Variants in DPP4 observed in about 807,000 individuals in gnomAD.
DPP4 encodes the protein ADCP-2.
DPP4 carries 93 observed loss-of-function variants against 122.4 expected under a neutral mutation model. The observed-to-expected ratio is 0.76, with a 90% CI of 0.64 to 0.90. DPP4 has a LOEUF of 0.90. DPP4 is among the 40% of genes least tolerant of loss of function. The probability of loss-of-function intolerance (pLI) is 0.00; values close to 1 mark genes in which losing one functional copy is unlikely to be tolerated. For missense variants in DPP4, 914 were observed against 907.3 expected (o/e 1.01, Z -0.09); for synonymous variants, 321 against 302.9 (o/e 1.06, Z -0.62).
chr2:162,069,514 T>C (rs994902523), intron 2 of DPP4, among the ~76,000 whole-genome samples: 13 of 152,158 alleles, frequency 8.5e-5, no homozygotes, highest in African/African-American at 3.1e-4. Context: ...ATTTCTAAGA[T>C]AGAGAAACTT....
At chr2:162,027,398 A>G (rs1319768107) in intron 10 of DPP4, among the ~76,000 whole-genome samples, 1 of 152,100 alleles carries the variant, frequency 6.6e-6, no homozygotes, top group East Asian at 1.9e-4. Flanking sequence ...CCACACAGAA[A>G]TGGGCAGTGG....
intron 23 of DPP4, among the ~76,000 whole-genome samples, chr2:162,004,585 GCA>G (rs10647762): frequency 9.3e-5 from 14 of 150,706 alleles, no homozygotes; most frequent in Non-Finnish European, 1.5e-4. Context: ...ACAGCTCCCT[GCA>G]CACACACACA....
intron 11 of DPP4, 107 bp downstream of exon 11, chr2:162,024,697 A>C: frequency 7.0e-7 from 1 of 1,423,654 alleles, no homozygotes; most frequent in Non-Finnish European, 9.4e-7. Flanking sequence ...CAGAAAGAAG[A>C]GAAACTCAAA....
chr2:162,030,569 A>T lies in DPP4; in HGVS notation c.887+2972T>A, dbSNP rs191024544. On this transcript the variant is annotated intron_variant, in intron 10 of 25. Coordinates refer to ENST00000360534, the MANE Select transcript of DPP4 (RefSeq NM_001935.4). ...AGGTAACAGGCTGAGCAGGTTACTA[A>T]GAGGCGTAACTCACCTGGTTTTGCT... 2.9e-3 allele frequency among the ~76,000 whole-genome samples: 444 copies of T among 152,300 alleles called. 3 individuals are homozygous for T. Among genetic ancestry groups the T allele is most frequent in the African/African-American group, 0.01 (429 of 41,548 alleles).
chr2:162,036,213 T>C lies in DPP4; in HGVS notation c.614-889A>G, dbSNP rs1683763667. ...AAGTGTAAATGTAAAAGCAAAAGCATAGAAACTAGAATCTTAGGGTTGGGA... is the reference window on the plus strand; with the variant it reads ...AAGTGTAAATGTAAAAGCAAAAGCACAGAAACTAGAATCTTAGGGTTGGGA... On this transcript the variant is annotated intron_variant, in intron 8 of 25. Coordinates refer to ENST00000360534, the MANE Select transcript of DPP4 (RefSeq NM_001935.4). Among the ~76,000 whole-genome samples the C allele has an allele frequency of 5.9e-5, 9 of 152,204 alleles. 1 individual carries two copies. The highest frequency in any genetic ancestry group is 5.9e-4 in the Admixed American group (9 of 15,270).
rs201132792 is a variant in DPP4, at chr2:162,047,498, T to C, written c.98A>G (p.Asp33Gly). 62 of 1,565,026 alleles carry C rather than the reference T, an allele frequency of 4.0e-5. No homozygotes were observed. In the South Asian group the frequency reaches 6.6e-4, roughly 17 times the overall value. Residue 33 changes from aspartate to glycine, a missense_variant, in exon 3 of 26, where the codon GAT becomes GGT. Transcript: ENST00000360534. Reference sequence around the variant, plus strand: ...TTTGCGACTGTCAGCTGTAGCATCATCTGCTGGTTGAAAGAAAGAGCCAAA... The same window carrying C: ...TTTGCGACTGTCAGCTGTAGCATCACCTGCTGGTTGAAAGAAAGAGCCAAA... ...VPVVLLNKGT[D>G]DATADSRKTY...
chr2:162,073,364 A>C, intron 2 of DPP4, 35 bp downstream of exon 2: 1 of 1,609,202 alleles, frequency 6.2e-7, no homozygotes, highest in Non-Finnish European at 8.5e-7. Flanking sequence ...CCTGAGCTCC[A>C]ACTGTCCTAT....
At chr2:162,014,541 T>C in intron 18 of DPP4, 76 bp from the exon 19 acceptor site, 1 of 1,033,428 alleles carries the variant, frequency 9.7e-7, no homozygotes, top group Non-Finnish European at 1.5e-6. Context: ...TGTCCGTCAG[T>C]AGCAAGTCAT....
At chr2:162,047,706 T>C (rs1684238200) in intron 2 of DPP4, among the ~76,000 whole-genome samples, 1 of 152,202 alleles carries the variant, frequency 6.6e-6, no homozygotes, top group Admixed American at 6.5e-5. Flanking sequence ...TGAGAGTGTG[T>C]GTGTTTCACT....
At chr2:162,031,735 C>T (rs918869510) in intron 10 of DPP4, among the ~76,000 whole-genome samples, 3 of 152,086 alleles carry the variant, frequency 2.0e-5, no homozygotes, top group African/African-American at 7.2e-5. Context: ...TTCTATTGCT[C>T]GTATCTCTCT....
chr2:162,054,007 C>T (rs182668066), intron 2 of DPP4, among the ~76,000 whole-genome samples: 20 of 152,066 alleles, frequency 1.3e-4, no homozygotes, highest in Admixed American at 2.0e-4. Flanking sequence ...CACCATGGGC[C>T]GTGCCCAGCA....
rs180884934 is a variant in DPP4 at position 162,068,203 on chromosome 2, C to T, written c.94+5196G>A. Among the ~76,000 whole-genome samples the T allele has an allele frequency of 8.6e-4, 131 of 152,224 alleles. 1 individual carries two copies. Among genetic ancestry groups the T allele is most frequent in the African/African-American group, 3.1e-3 (128 of 41,516 alleles). On this transcript the variant is annotated intron_variant, in intron 2 of 25. Coordinates refer to ENST00000360534, the MANE Select transcript of DPP4 (RefSeq NM_001935.4). ...CTTTATATGAGAATGAAGGCAGCAG[C>T]AGTAGGCTCTTCCTCAGGATACTTA... is the stretch of plus-strand genomic sequence containing the variant.
In DPP4 at chr2:162,019,225, A is replaced by C; in HGVS notation, c.1296T>G (p.Tyr432Ter). Residue 432 changes from tyrosine (Y) to a stop codon, truncating the protein, a stop_gained and splice_region_variant, in exon 15 of 26, where the codon TAT becomes TAG. Transcript: ENST00000360534. LOFTEE classifies it high-confidence loss of function. The part of the protein sequence containing the change: ...YKGMPGGRNL[Y>*]KIQLSDYTKV... ...CAACAACTTGACAGAGCTCTTACTT[A>C]TAAAGATTCCTTCCTCCTGGCATTC... 1.3e-6 allele frequency: 2 copies of C among 1,597,454 alleles called. No homozygotes were observed. The highest frequency in any genetic ancestry group is 1.7e-6 in the Non-Finnish European group (2 of 1,168,362).
rs1420802046 is a variant in DPP4, at chr2:162,045,688, G to A, written c.286-76C>T. On this transcript the variant is annotated intron_variant, in intron 4 of 25. Transcript: ENST00000360534. ...ATCACTGTGCACTTACTTCATAGGG[G>A]GTACTGTTCTAGACATGTGGCTTGT... is the stretch of plus-strand genomic sequence containing the variant. 6 of 1,056,478 alleles carry A rather than the reference G, an allele frequency of 5.7e-6. No individual in the cohort carries two copies. The African/African-American group carries it at 9.4e-5, about 17-fold the overall frequency. The allele number at this position is 1,056,478 out of a possible 1,614,324, so 65.4% of individuals were successfully genotyped here. A position where few individuals can be genotyped will look rare whatever the true frequency, so the allele number is the denominator to read the frequency against.
rs530532256 is a variant in DPP4 at position 162,045,617 on chromosome 2, C to T, written c.286-5G>A. 4 of 1,607,800 alleles carry T rather than the reference C, an allele frequency of 2.5e-6. No individual in the cohort carries two copies. The highest frequency in any genetic ancestry group is 4.5e-5 in the East Asian group (2 of 44,790). ...GATAGAATGTCCAAACTCATCCTGT[C>T]AAACAAGAAGAACAAAGAAAAATTG... On this transcript the variant is annotated splice_polypyrimidine_tract_variant and splice_region_variant and intron_variant, in intron 4 of 25. Coordinates refer to ENST00000360534, the MANE Select transcript of DPP4 (RefSeq NM_001935.4).
chr2:162,052,215 G>T (rs1407495890), intron 2 of DPP4, among the ~76,000 whole-genome samples: 1 of 151,460 alleles, frequency 6.6e-6, no homozygotes, highest in Admixed American at 6.6e-5. Flanking sequence ...CTACTCAGGA[G>T]GCTGAGGCAG....
Position 161,993,500 on chromosome 2 carries a change from T to A in DPP4, c.2200-116A>T, listed in dbSNP as rs539123576. 9.8e-4 allele frequency: 688 copies of A among 699,006 alleles called. 3 individuals carry two copies. The highest frequency in any genetic ancestry group is 2.6e-3 in the Middle Eastern group (10 of 3,866). The allele number at this position is 699,006 out of a possible 1,614,324, so 43.3% of individuals were successfully genotyped here. On this transcript the variant is annotated intron_variant, in intron 25 of 25. Transcript: ENST00000360534. ...ATACATGGTATAAAACAGAGTGTTT[T>A]AATTCCTGAGGCAGTTTATAAACTG...
chr2:162,039,259 G>T, intron 5 of DPP4, 75 bp from the exon 6 acceptor site: 1 of 1,174,604 alleles, frequency 8.5e-7, no homozygotes, highest in Non-Finnish European at 1.3e-6. Context: ...AGACCAAGAT[G>T]ATAGGTTTGG....
chr2:162,038,287 C>T lies in DPP4; in HGVS notation c.613+15G>A, dbSNP rs926062543. 1 of 1,532,836 alleles carries T rather than the reference C, an allele frequency of 6.5e-7. No homozygotes were observed. The highest frequency in any genetic ancestry group is 8.7e-7 in the Non-Finnish European group (1 of 1,145,404). The allele number at this position is 1,532,836 out of a possible 1,614,324, so 95.0% of individuals were successfully genotyped here. The stretch of plus-strand genomic sequence containing the variant: ...TTATAGATTTTCTGATTTGAAAAAG[C>T]TTTAAAGTTTCTACCTTCATAAACC... On this transcript the variant is annotated intron_variant, in intron 8 of 25. Transcript: ENST00000360534.
Sources: allele counts gnomAD v4.1 joint callset (sites outside exome capture counted in the v4.1 genomes callset), GRCh38; gene constraint gnomAD v4.1.1; transcripts MANE v1.5; gene names NCBI Gene and HGNC (gene_info 2026-07-23, HGNC 2026-07-21).